The following IPCEF1 variants were observed in gnomAD, a reference collection of about 807,000 sequenced individuals.
IPCEF1 encodes interaction protein for cytohesin exchange factors 1.
A neutral mutation model predicts 50.9 loss-of-function variants in IPCEF1; 31 were observed. The observed-to-expected ratio is 0.61, with a 90% CI of 0.46 to 0.82. IPCEF1 has a LOEUF of 0.82. Ranked by LOEUF, IPCEF1 falls within the 40% of genes least tolerant of loss-of-function variation. The pLI, the probability that IPCEF1 is intolerant of heterozygous loss-of-function variation, is 0.00. For synonymous variants in IPCEF1, 181 were observed against 192.0 expected, an observed-to-expected ratio of 0.94 and a Z score of 0.47; for missense variants, 458 against 514.0, an observed-to-expected ratio of 0.89 and a Z score of 1.05.
chr6:154,244,301 G>GGTGGGTGT (rs71802413), intron 5 of IPCEF1, among the ~76,000 whole-genome samples: 24 of 148,060 alleles, frequency 1.6e-4, no homozygotes, highest in African/African-American at 5.5e-4. Flanking sequence ...TGTGTGGGTG[G>GGTGGGTGT]GTGTGTGTGT....
rs571327714 is a variant in IPCEF1, at chr6:154,173,421, GA to G, written c.911-5309del. On this transcript the variant is annotated intron_variant, in intron 10 of 11. Transcript: ENST00000367220. Reference sequence around the variant, plus strand: ...CCATTGCAAGGATGCTAAAAACCTTGAAAAAAAGATTAGATGAATGACTAAC... The same window carrying G: ...CCATTGCAAGGATGCTAAAAACCTTGAAAAAAGATTAGATGAATGACTAAC... 7.1e-3 allele frequency among the ~76,000 whole-genome samples: 1,077 copies of G among 151,992 alleles called. 17 individuals are homozygous for G. Among genetic ancestry groups the G allele is most frequent in the African/African-American group, 0.025 (1,038 of 41,488 alleles).
chr6:154,167,774 T>C (rs1485236508), intron 11 of IPCEF1, 146 bp downstream of exon 11: 1 of 575,458 alleles, frequency 1.7e-6, no homozygotes, highest in East Asian at 2.8e-5. Flanking sequence ...GTCAAGATCA[T>C]CTTGCCCTAT....
chr6:154,180,414 A>ATATATATATATAT (rs1241250621), intron 10 of IPCEF1, among the ~76,000 whole-genome samples: 2 of 65,268 alleles, frequency 3.1e-5, no homozygotes, highest in African/African-American at 9.6e-5. Flanking sequence ...ATATATATAT[A>ATATATATATATAT]TTTTTTTTTT....
At position 154,168,610 on chromosome 6, in the gene IPCEF1, T is replaced by G. The variant is rs949704865; in HGVS notation, c.911-497A>C. On this transcript the variant is annotated intron_variant, in intron 10 of 11. Coordinates refer to ENST00000367220, the MANE Select transcript of IPCEF1 (RefSeq NM_001130700.2). The surrounding 1 kb of genome is among the most constrained non-coding windows in gnomAD (Gnocchi z 4.1). Reference sequence around the variant, plus strand: ...TTATTAATTAATTAATTAATTTTATTATTATTTTTTTTGAGACGGAGTTTT... The same window carrying G: ...TTATTAATTAATTAATTAATTTTATGATTATTTTTTTTGAGACGGAGTTTT... Among the ~76,000 whole-genome samples, 14 of 152,070 alleles carry G rather than the reference T, an allele frequency of 9.2e-5. No homozygotes were observed. Among genetic ancestry groups the G allele is most frequent in the African/African-American group, 3.1e-4 (13 of 41,410 alleles).
chr6:154,271,600 T>C (rs531455667), intron 2 of IPCEF1, among the ~76,000 whole-genome samples: 1 of 152,282 alleles, frequency 6.6e-6, no homozygotes, highest in South Asian at 2.1e-4. Context: ...TTCAACTACA[T>C]GTATGACAAA....
At chr6:154,316,050 G>T (rs888155844) in intron 1 of IPCEF1, among the ~76,000 whole-genome samples, 4 of 152,188 alleles carry the variant, frequency 2.6e-5, no homozygotes, top group South Asian at 2.1e-4. Flanking sequence ...AGTAGAGACA[G>T]TTTCACCATG....
chr6:154,210,281 G>A (rs952444736), intron 9 of IPCEF1, among the ~76,000 whole-genome samples: 2 of 152,174 alleles, frequency 1.3e-5, no homozygotes, highest in Admixed American at 6.5e-5. Context: ...GAAAATGCCA[G>A]TATTTTACAA....
At chr6:154,273,947 G>T (rs558369732) in intron 2 of IPCEF1, among the ~76,000 whole-genome samples, 5 of 149,754 alleles carry the variant, frequency 3.3e-5, no homozygotes, top group African/African-American at 1.2e-4. Context: ...TAGAGACGGG[G>T]TTTCACCTTG....
At chr6:154,287,512 G>A (rs531029606) in intron 2 of IPCEF1, among the ~76,000 whole-genome samples, 4 of 152,264 alleles carry the variant, frequency 2.6e-5, no homozygotes, top group South Asian at 4.1e-4. Flanking sequence ...TGAGGAAAGC[G>A]AAGTGCATAA....
chr6:154,183,955 A>G (rs1801118606), intron 10 of IPCEF1, among the ~76,000 whole-genome samples: 1 of 151,072 alleles, frequency 6.6e-6, no homozygotes, highest in Non-Finnish European at 1.5e-5. Flanking sequence ...GAAAAGAAAA[A>G]AATTGTTTTG....
chr6:154,272,337 T>G (rs1328893099), intron 2 of IPCEF1, among the ~76,000 whole-genome samples: 1 of 152,202 alleles, frequency 6.6e-6, no homozygotes, highest in Non-Finnish European at 1.5e-5. Flanking sequence ...ACAGGTTTCA[T>G]CAAATAAAAT....
chr6:154,200,634 T>A (rs534206898), intron 9 of IPCEF1, among the ~76,000 whole-genome samples: 41 of 152,088 alleles, frequency 2.7e-4, no homozygotes, highest in African/African-American at 9.2e-4. Flanking sequence ...GGCAGGAGAA[T>A]CACTTGAACC....
intron 1 of IPCEF1, among the ~76,000 whole-genome samples, chr6:154,323,388 G>T (rs1477072364): frequency 6.6e-6 from 1 of 151,938 alleles, no homozygotes; most frequent in African/African-American, 2.4e-5. Context: ...TAAAGTTGGT[G>T]GTGACAAGCT....
chr6:154,228,832 G>A (rs1023540077), intron 5 of IPCEF1, among the ~76,000 whole-genome samples: 1 of 152,206 alleles, frequency 6.6e-6, no homozygotes, highest in Non-Finnish European at 1.5e-5. Flanking sequence ...AGGCTGCAGT[G>A]AGCTGAGATG....
At chr6:154,166,187 T>C (rs1427924466) in intron 11 of IPCEF1, among the ~76,000 whole-genome samples, 5 of 152,234 alleles carry the variant, frequency 3.3e-5, no homozygotes, top group Non-Finnish European at 7.3e-5. Context: ...GGATAACCGA[T>C]ACACTGACAG....
intron 10 of IPCEF1, among the ~76,000 whole-genome samples, chr6:154,192,318 C>CTGTGTG (rs56231733): frequency 0.028 from 4,173 of 148,048 alleles, 132 homozygotes; most frequent in African/African-American, 0.082. Context: ...CACGTGGTTA[C>CTGTGTG]TGTGTGTGTG....
Position 154,157,286 on chromosome 6 carries a change from G to A in IPCEF1, c.*2542C>T, listed in dbSNP as rs972278520. The A allele has an allele frequency of 6.6e-6, 1 of 152,330 alleles. No homozygotes were observed. The highest frequency in any genetic ancestry group is 2.4e-5 in the African/African-American group (1 of 41,460). The allele number at this position is 152,330 out of a possible 1,614,324, so 9.4% of individuals were successfully genotyped here. A position where few individuals can be genotyped will look rare whatever the true frequency, so the allele number is the denominator to read the frequency against. ...CCTAGGCTGAGAACTCACAGAAGCAGCCCTACTTTCTAGCACAACCTGGTC... is the reference window on the plus strand; with the variant it reads ...CCTAGGCTGAGAACTCACAGAAGCAACCCTACTTTCTAGCACAACCTGGTC... On this transcript the variant is annotated 3_prime_UTR_variant, in exon 12 of 12. Transcript: ENST00000367220.
chr6:154,172,917 C>A (rs1165598813), intron 10 of IPCEF1, among the ~76,000 whole-genome samples: 2 of 152,230 alleles, frequency 1.3e-5, no homozygotes, highest in Non-Finnish European at 2.9e-5. Context: ...TAGGGGCTGA[C>A]AGACACCTCA....
chr6:154,341,085 G>C (rs1452098994), intron 1 of IPCEF1, among the ~76,000 whole-genome samples: 2 of 152,130 alleles, frequency 1.3e-5, no homozygotes, highest in Non-Finnish European at 2.9e-5. Flanking sequence ...ACAGATAGGT[G>C]AGAGACAAGC....
Sources: allele counts gnomAD v4.1 joint callset (sites outside exome capture counted in the v4.1 genomes callset), GRCh38; gene constraint gnomAD v4.1.1; non-coding constraint Gnocchi (gnomAD v3.1); transcripts MANE v1.5; gene names NCBI Gene and HGNC (gene_info 2026-07-23, HGNC 2026-07-21).